The following DCC variants were observed in gnomAD, a reference collection of about 807,000 sequenced individuals.
The protein encoded by DCC is DCC netrin 1 receptor.
DCC carries 58 observed loss-of-function variants against 172.5 expected under a neutral mutation model. The observed-to-expected ratio is 0.34, with a 90% CI of 0.27 to 0.42. The LOEUF (loss-of-function observed/expected upper bound fraction) is 0.42. Among genes scored for constraint, DCC ranks in the 10% least tolerant of loss-of-function variants. The probability of loss-of-function intolerance (pLI) is 1.00; values close to 1 mark genes in which losing one functional copy is unlikely to be tolerated. For missense variants in DCC, 1,740 were observed against 1,791.0 expected (o/e 0.97, Z 0.51); for synonymous variants, 709 against 644.5 (o/e 1.10, Z -1.52).
chr18:52,954,650 A>G (rs1165691698), intron 5 of DCC, among the ~76,000 whole-genome samples: 7 of 152,212 alleles, frequency 4.6e-5, no homozygotes, highest in South Asian at 2.1e-4. Context: ...CCACAAAGCT[A>G]TTGCCAAATT....
chr18:52,404,238 A>T (rs1332437160), intron 1 of DCC, among the ~76,000 whole-genome samples: 1 of 152,028 alleles, frequency 6.6e-6, no homozygotes, highest in Non-Finnish European at 1.5e-5. Context: ...TATGTTCATA[A>T]TGTAGAGCTT....
At chr18:53,417,663 A>T (rs1242304547) in intron 21 of DCC, among the ~76,000 whole-genome samples, 7 of 152,134 alleles carry the variant, frequency 4.6e-5, no homozygotes, top group African/African-American at 1.7e-4. Flanking sequence ...TTGAAATTAT[A>T]TTTTAAAATA....
intron 1 of DCC, among the ~76,000 whole-genome samples, chr18:52,374,108 G>A (rs1000769454): frequency 1.3e-5 from 2 of 151,624 alleles, no homozygotes; most frequent in African/African-American, 4.8e-5. Flanking sequence ...TAGCCAGGAT[G>A]GTCTCGATCT....
chr18:52,777,043 G>C (rs751601906), intron 2 of DCC, among the ~76,000 whole-genome samples: 1 of 151,054 alleles, frequency 6.6e-6, no homozygotes, highest in Non-Finnish European at 1.5e-5. Context: ...TTTCCATTAT[G>C]GGATTTTTTG....
chr18:52,899,684 C>A (rs1016488023), intron 2 of DCC, among the ~76,000 whole-genome samples: 2 of 151,502 alleles, frequency 1.3e-5, no homozygotes. Context: ...TTTATAGAGA[C>A]AGAATCTCTC....
chr18:53,233,149 A>T (rs1047621208), intron 12 of DCC, among the ~76,000 whole-genome samples: 5 of 152,172 alleles, frequency 3.3e-5, no homozygotes, highest in Admixed American at 6.5e-5. Context: ...AGAAAATCCT[A>T]TAATGGCTGA....
rs200379964 is a variant in DCC at position 52,905,055 on chromosome 18, CCT to C, written c.413-985_413-984del. ...AGATGGCAAGGTGAAAACACCTACCCCTCTCATGTACAACGTCATGGCAGAGA... is the reference window on the plus strand; with the variant it reads ...AGATGGCAAGGTGAAAACACCTACCCCTCATGTACAACGTCATGGCAGAGA... On this transcript the variant is annotated intron_variant, in intron 2 of 28. Coordinates refer to ENST00000442544, the MANE Select transcript of DCC (RefSeq NM_005215.4). Among the ~76,000 whole-genome samples the C allele has an allele frequency of 5.3e-5, 8 of 152,148 alleles. 1 individual carries two copies. In the East Asian group the frequency reaches 1.2e-3, roughly 22 times the overall value.
intron 12 of DCC, among the ~76,000 whole-genome samples, chr18:53,250,975 A>G (rs916529193): frequency 2.0e-5 from 3 of 151,812 alleles, no homozygotes; most frequent in African/African-American, 4.8e-5. Context: ...ATGGTTTACC[A>G]TTCCCTTTTC....
At chr18:53,312,153 C>CAAAAAAAAA (rs895203731) in intron 13 of DCC, among the ~76,000 whole-genome samples, 242 of 25,416 alleles carry the variant, frequency 9.5e-3, no homozygotes, top group Non-Finnish European at 0.013. Context: ...GCTAAAAATA[C>CAAAAAAAAA]AAAAAAAAAA....
chr18:53,210,610 C>G (rs932185797), intron 11 of DCC, among the ~76,000 whole-genome samples: 3 of 152,010 alleles, frequency 2.0e-5, no homozygotes, highest in Admixed American at 2.0e-4. Flanking sequence ...TTAGGATTTC[C>G]CATTTGTGGA....
At chr18:52,924,887 G>T (rs1419631739) in intron 4 of DCC, among the ~76,000 whole-genome samples, 1 of 151,902 alleles carries the variant, frequency 6.6e-6, no homozygotes, top group Non-Finnish European at 1.5e-5. Context: ...CAGGACACAG[G>T]ACATTGATTT....
intron 5 of DCC, among the ~76,000 whole-genome samples, chr18:52,957,485 G>C (rs1242483451): frequency 3.9e-5 from 6 of 152,088 alleles, no homozygotes; most frequent in Admixed American, 3.9e-4. Flanking sequence ...TTTTTAACAA[G>C]TATTTGTAGA....
chr18:52,953,646 C>T (rs190473226), intron 5 of DCC, among the ~76,000 whole-genome samples: 3 of 152,312 alleles, frequency 2.0e-5, no homozygotes, highest in South Asian at 2.1e-4. Context: ...GCATTGACTA[C>T]GGCAGGCAGA....
At chr18:52,888,003 A>G (rs1445089018) in intron 2 of DCC, among the ~76,000 whole-genome samples, 8 of 152,262 alleles carry the variant, frequency 5.3e-5, no homozygotes, top group Admixed American at 5.2e-4. Context: ...TTCAATTAGT[A>G]AAATTAGCCT....
intron 15 of DCC, among the ~76,000 whole-genome samples, chr18:53,372,550 C>A (rs574532402): frequency 1.3e-5 from 2 of 151,828 alleles, no homozygotes; most frequent in African/African-American, 2.4e-5. Flanking sequence ...ACACCAAACC[C>A]CCGTGAATGC....
chr18:53,506,620 G>A (rs902228283), intron 27 of DCC, among the ~76,000 whole-genome samples: 3 of 152,150 alleles, frequency 2.0e-5, no homozygotes, highest in Admixed American at 6.5e-5. Context: ...CACTTTGGGA[G>A]GCTGAGGCAG....
intron 1 of DCC, among the ~76,000 whole-genome samples, chr18:52,713,483 G>C (rs1354871264): frequency 1.3e-5 from 2 of 152,188 alleles, no homozygotes; most frequent in Middle Eastern, 3.2e-3. Context: ...TGCCACTTGG[G>C]GTCTGGGGTG....
chr18:53,433,016 G>C lies in DCC; in HGVS notation c.3164-2128G>C, dbSNP rs2339641. 3.0e-3 allele frequency among the ~76,000 whole-genome samples: 452 copies of C among 152,094 alleles called. 4 individuals are homozygous for C. The highest frequency in any genetic ancestry group is 9.2e-3 in the African/African-American group (380 of 41,480). The stretch of plus-strand genomic sequence containing the variant: ...ATCAACTTTTTAAAAAGTGCTTTCT[G>C]TTGGACTTGTTGAGAATTACATGAT... On this transcript the variant is annotated intron_variant, in intron 21 of 28. Transcript: ENST00000442544.
intron 27 of DCC, 46 bp downstream of exon 27, chr18:53,499,556 T>C (rs926721140): frequency 2.0e-6 from 3 of 1,499,208 alleles, no homozygotes; most frequent in Non-Finnish European, 2.8e-6. Flanking sequence ...TTATTATTGG[T>C]GCCTCTATTT....
Sources: gnomAD v4.1 joint callset for allele counts (sites outside exome capture counted in the v4.1 genomes callset) on GRCh38, gnomAD v4.1.1 for gene constraint, MANE v1.5 for transcripts, NCBI Gene and HGNC (gene_info 2026-07-23, HGNC 2026-07-21) for gene names.